Variants in ZNF496 observed in about 807,000 individuals in gnomAD.
ZNF496 encodes the protein NSD1 (nuclear receptor binding SET-domain containing 1)-interacting zinc finger protein 1.
In ZNF496, 11 loss-of-function variants were observed where a neutral mutation model predicts 58.9. That is an observed-to-expected ratio of 0.19 (90% CI 0.12 to 0.31). The LOEUF is 0.31. Ranked by LOEUF, ZNF496 falls within the 10% of genes least tolerant of loss-of-function variation. The pLI is 1.00. For synonymous variants in ZNF496, 338 were observed against 318.2 expected, an observed-to-expected ratio of 1.06 and a Z score of -0.66; for missense variants, 660 against 783.0, an observed-to-expected ratio of 0.84 and a Z score of 1.88.
chr1:247,313,380 G>A (rs1305633669), intron 6 of ZNF496: 1 of 152,250 alleles, frequency 6.6e-6, no homozygotes, highest in East Asian at 1.9e-4. Context: ...CCCAGGTCCA[G>A]GCGCCAGTGG....
At chr1:247,323,274 A>G (rs767991581) in intron 5 of ZNF496, 44 bp from the exon 6 acceptor site, 2 of 1,489,252 alleles carry the variant, frequency 1.3e-6, no homozygotes, top group African/African-American at 2.8e-5. Flanking sequence ...GGCCAGGGCC[A>G]GGCCTGGTGC....
At chr1:247,328,630 T>C (rs1660216841) in intron 5 of ZNF496, 53 bp downstream of exon 5, 2 of 1,467,334 alleles carry the variant, frequency 1.4e-6, no homozygotes, top group Non-Finnish European at 1.8e-6. Flanking sequence ...GTGCACAGTA[T>C]GGGGTGTGCA....
intron 9 of ZNF496, among the ~76,000 whole-genome samples, chr1:247,301,666 C>CT (rs1371179180): frequency 5.9e-5 from 9 of 152,170 alleles, no homozygotes; most frequent in Admixed American, 5.9e-4. Flanking sequence ...GGGGAAAGCT[C>CT]TATCAGGATA....
At chr1:247,310,274 C>A in intron 7 of ZNF496, 50 bp downstream of exon 7, 1 of 1,611,866 alleles carries the variant, frequency 6.2e-7, no homozygotes, top group South Asian at 1.1e-5. Context: ...AGTGAGAACT[C>A]CCCTGCCCAG....
At chr1:247,307,811 G>A in intron 9 of ZNF496, 2 of 985,400 alleles carry the variant, frequency 2.0e-6, no homozygotes, top group Non-Finnish European at 2.4e-6. Flanking sequence ...AGAGGCTTGG[G>A]TTTTGTATTG....
intron 6 of ZNF496, among the ~76,000 whole-genome samples, chr1:247,320,944 G>A (rs1659942468): frequency 6.6e-6 from 1 of 152,170 alleles, no homozygotes; most frequent in African/African-American, 2.4e-5. Context: ...GGAGGCCGAG[G>A]CAGGTGGATC....
intron 6 of ZNF496, chr1:247,322,918 C>T: frequency 1.2e-6 from 1 of 807,514 alleles, no homozygotes. Flanking sequence ...ATCGTCTGCA[C>T]AAAGCTTCCT....
intron 6 of ZNF496, chr1:247,312,387 T>C (rs909635089): frequency 2.0e-5 from 3 of 152,176 alleles, no homozygotes; most frequent in African/African-American, 4.8e-5. Flanking sequence ...AGCTTTACTG[T>C]TCACATTTTT....
At position 247,309,858 on chromosome 1, in the gene ZNF496, G is replaced by A. The variant is rs372849780; in HGVS notation, c.785-52C>T. On this transcript the variant is annotated intron_variant, in intron 7 of 9. Transcript: ENST00000682384. This position sits in a 1 kb window ranked among gnomAD's most constrained non-coding sequence, Gnocchi z 4.3. ...TGTTTATTAGTAATCTGATCCTGCA[G>A]CAACCAGGGCTGGTCCAGAAGAGAG... 5.6e-4 allele frequency: 886 copies of A among 1,589,836 alleles called. No individual in the cohort carries two copies. Among genetic ancestry groups the A allele is most frequent in the Middle Eastern group, 3.7e-3 (22 of 6,018 alleles).
rs771372808 is a variant in ZNF496, at chr1:247,300,898, G to C, written c.1385C>G (p.Pro462Arg). Reference protein sequence around the residue: ...GHLESHEAQKPYRCGACGKSF... With the variant: ...GHLESHEAQKRYRCGACGKSF... ...CTTCCCGCAGGCACCACACCGGTAAGGCTTCTGGGCCTCGTGGCTCTCTAG... is the reference window on the plus strand; with the variant it reads ...CTTCCCGCAGGCACCACACCGGTAACGCTTCTGGGCCTCGTGGCTCTCTAG... Residue 462 changes from proline to arginine, a missense_variant, in exon 10 of 10, where the codon CCT (proline) becomes CGT (arginine). By Grantham distance (103) the Pro-to-Arg change is moderately radical. Coordinates refer to ENST00000682384, the MANE Select transcript of ZNF496 (RefSeq NM_032752.3). This position sits in a 1 kb window ranked among gnomAD's most constrained non-coding sequence, Gnocchi z 5.7. The C allele has an allele frequency of 1.2e-6, 2 of 1,612,728 alleles. No individual in the cohort carries two copies. Among genetic ancestry groups the C allele is most frequent in the South Asian group, 2.2e-5 (2 of 90,922 alleles).
intron 6 of ZNF496, among the ~76,000 whole-genome samples, chr1:247,320,925 A>C (rs965589881): frequency 6.6e-6 from 1 of 152,258 alleles, no homozygotes; most frequent in African/African-American, 2.4e-5. Context: ...CTGTAATCCC[A>C]GCACTTTGGG....
rs1243179346 is a variant in ZNF496 at position 247,300,284 on chromosome 1, TC to T, written c.*234del. ...GCATGTCCAACCTGGTGATGGCACATCCCCCCCGTTTTTTGGCACAGCAGAA... is the reference window on the plus strand; with the variant it reads ...GCATGTCCAACCTGGTGATGGCACATCCCCCCGTTTTTTGGCACAGCAGAA... On this transcript the variant is annotated 3_prime_UTR_variant, in exon 10 of 10. Coordinates refer to ENST00000682384, the MANE Select transcript of ZNF496 (RefSeq NM_032752.3). This position sits in a 1 kb window ranked among gnomAD's most constrained non-coding sequence, Gnocchi z 5.7. The T allele has an allele frequency of 1.1e-4, 48 of 436,854 alleles. No individual in the cohort carries two copies. Among genetic ancestry groups the T allele is most frequent in the Middle Eastern group, 6.0e-4 (1 of 1,676 alleles). The allele number at this position is 436,854 out of a possible 1,614,324, so 27.1% of individuals were successfully genotyped here. A position where few individuals can be genotyped will look rare whatever the true frequency, so the allele number is the denominator to read the frequency against.
chr1:247,315,705 T>C (rs981794840), intron 6 of ZNF496, among the ~76,000 whole-genome samples: 1 of 152,202 alleles, frequency 6.6e-6, no homozygotes, highest in Non-Finnish European at 1.5e-5. Flanking sequence ...GTCTCTGTAC[T>C]GTTCTTGCCA....
chr1:247,322,077 T>G (rs1421704384), intron 6 of ZNF496, among the ~76,000 whole-genome samples: 1 of 151,928 alleles, frequency 6.6e-6, no homozygotes, highest in Non-Finnish European at 1.5e-5. Context: ...AGGTCAGGAG[T>G]TTGAGACCAG....
At chr1:247,328,314 A>G (rs968220146) in intron 5 of ZNF496, among the ~76,000 whole-genome samples, 2 of 152,200 alleles carry the variant, frequency 1.3e-5, no homozygotes, top group African/African-American at 2.4e-5. Flanking sequence ...GAGACAAGAA[A>G]TGGCCATGCT....
intron 5 of ZNF496, among the ~76,000 whole-genome samples, chr1:247,326,383 C>T (rs946014995): frequency 6.6e-6 from 1 of 152,082 alleles, no homozygotes; most frequent in Admixed American, 6.5e-5. Context: ...ACCTACTTTG[C>T]CTATTGATTA....
intron 9 of ZNF496, among the ~76,000 whole-genome samples, chr1:247,306,196 AT>A (rs1459145510): frequency 6.6e-6 from 1 of 151,724 alleles, no homozygotes. Context: ...CTGAGTTCAA[AT>A]CTTTTTTTTT....
intron 6 of ZNF496, among the ~76,000 whole-genome samples, chr1:247,318,659 G>A (rs2103026893): frequency 6.6e-6 from 1 of 152,180 alleles, no homozygotes; most frequent in African/African-American, 2.4e-5. Context: ...CAGGAATGAT[G>A]GGGAAATGAA....
intron 9 of ZNF496, among the ~76,000 whole-genome samples, chr1:247,303,138 TG>T (rs1444206548): frequency 6.6e-6 from 1 of 152,054 alleles, no homozygotes; most frequent in African/African-American, 2.4e-5. Flanking sequence ...AGTCAGATGG[TG>T]GGGCCAATCC....
Sources: gnomAD v4.1 joint callset for allele counts (sites outside exome capture counted in the v4.1 genomes callset) on GRCh38, gnomAD v4.1.1 for gene constraint, Gnocchi (gnomAD v3.1) non-coding constraint, MANE v1.5 for transcripts, NCBI Gene and HGNC (gene_info 2026-07-23, HGNC 2026-07-21) for gene names.